Variants in ATP8A2 observed in about 807,000 individuals in gnomAD.
ATP8A2 encodes the protein phospholipid-transporting ATPase IB.
Under a neutral mutation model 165.6 loss-of-function variants are expected in ATP8A2, and 100 were observed. The ratio of observed to expected loss-of-function variants is 0.60; its 90% CI spans 0.51 to 0.71. ATP8A2 has a LOEUF of 0.71. ATP8A2 is among the 30% of genes least tolerant of loss of function. The probability of loss-of-function intolerance (pLI) is 0.00; values close to 1 mark genes in which losing one functional copy is unlikely to be tolerated. For missense variants in ATP8A2, 1,227 were observed against 1,479.5 expected, an observed-to-expected ratio of 0.83 and a Z score of 2.80; for synonymous variants, 543 against 548.8, an observed-to-expected ratio of 0.99 and a Z score of 0.15.
intron 33 of ATP8A2, among the ~76,000 whole-genome samples, chr13:25,932,168 G>A (rs893077361): frequency 2.6e-5 from 4 of 152,160 alleles, no homozygotes; most frequent in Non-Finnish European, 4.4e-5. Context: ...ATGTAGCACG[G>A]AAGCACGTCA....
intron 1 of ATP8A2, among the ~76,000 whole-genome samples, chr13:25,435,707 C>G (rs1302017567): frequency 6.6e-6 from 1 of 150,418 alleles, no homozygotes; most frequent in Non-Finnish European, 1.5e-5. Flanking sequence ...GTTTTTTTCT[C>G]CACTGAGATA....
intron 24 of ATP8A2, among the ~76,000 whole-genome samples, chr13:25,655,213 G>T (rs1593144755): frequency 6.6e-6 from 1 of 152,130 alleles, no homozygotes; most frequent in East Asian, 1.9e-4. Context: ...CAGGCTGAGT[G>T]CAGTGGCACA....
chr13:25,726,526 C>G (rs1027465611), intron 25 of ATP8A2, among the ~76,000 whole-genome samples: 1 of 152,020 alleles, frequency 6.6e-6, no homozygotes, highest in Non-Finnish European at 1.5e-5. Flanking sequence ...CGGCTTGTGG[C>G]CCCTTCTCTC....
intron 33 of ATP8A2, among the ~76,000 whole-genome samples, chr13:25,929,200 C>T (rs1261386197): frequency 2.0e-5 from 3 of 152,226 alleles, no homozygotes; most frequent in South Asian, 2.1e-4. Flanking sequence ...CCATGTGAGC[C>T]AGAGTGGGCT....
chr13:25,511,705 A>G (rs1381743801), intron 2 of ATP8A2, among the ~76,000 whole-genome samples: 1 of 151,778 alleles, frequency 6.6e-6, no homozygotes, highest in African/African-American at 2.4e-5. Flanking sequence ...TAATATCTTT[A>G]TGGTTTAGAA....
At chr13:25,429,587 A>C (rs1174423473) in intron 1 of ATP8A2, among the ~76,000 whole-genome samples, 1 of 152,142 alleles carries the variant, frequency 6.6e-6, no homozygotes, top group Non-Finnish European at 1.5e-5. Context: ...TAAAGAAATG[A>C]GTCACCTTAA....
At chr13:25,423,521 C>T (rs2034358410) in intron 1 of ATP8A2, among the ~76,000 whole-genome samples, 1 of 152,054 alleles carries the variant, frequency 6.6e-6, no homozygotes, top group South Asian at 2.1e-4. Context: ...TAGTACACTT[C>T]CATGTGATTT....
chr13:25,441,772 A>G lies in ATP8A2; in HGVS notation c.77-27205A>G, dbSNP rs919526383. Among the ~76,000 whole-genome samples, 5 of 152,130 alleles carry G rather than the reference A, an allele frequency of 3.3e-5. No homozygotes were observed. The East Asian group carries it at 5.8e-4, about 18-fold the overall frequency. Reference sequence around the variant, plus strand: ...AAATACACATAACATAGAATTTACTATCTCATCATTTTTAGGTATACAGTT... The same window carrying G: ...AAATACACATAACATAGAATTTACTGTCTCATCATTTTTAGGTATACAGTT... On this transcript the variant is annotated intron_variant, in intron 1 of 36. Transcript: ENST00000381655.
At chr13:25,555,486 A>G (rs1566261959) in intron 13 of ATP8A2, among the ~76,000 whole-genome samples, 2 of 152,106 alleles carry the variant, frequency 1.3e-5, no homozygotes, top group Admixed American at 6.6e-5. Flanking sequence ...TCTCTGGAAT[A>G]TTCTAGGGAA....
chr13:25,871,834 T>C (rs887271427), intron 33 of ATP8A2, among the ~76,000 whole-genome samples: 1 of 152,206 alleles, frequency 6.6e-6, no homozygotes, highest in Non-Finnish European at 1.5e-5. Context: ...TGTGCTTGTA[T>C]GTATACTTCG....
chr13:25,429,506 G>A (rs1236886794), intron 1 of ATP8A2, among the ~76,000 whole-genome samples: 1 of 152,144 alleles, frequency 6.6e-6, no homozygotes, highest in African/African-American at 2.4e-5. Context: ...CTGGGTGGGT[G>A]GAGTGGAATA....
intron 23 of ATP8A2, among the ~76,000 whole-genome samples, 179 bp downstream of exon 23, chr13:25,582,136 CA>C (rs2039793480): frequency 6.6e-6 from 1 of 152,174 alleles, no homozygotes; most frequent in African/African-American, 2.4e-5. Flanking sequence ...ATGCCTGTTA[CA>C]AACATTAAAA....
At chr13:25,492,568 C>T (rs2036559881) in intron 2 of ATP8A2, among the ~76,000 whole-genome samples, 1 of 152,212 alleles carries the variant, frequency 6.6e-6, no homozygotes, top group African/African-American at 2.4e-5. Context: ...GACCCTCCTA[C>T]TGTTTCTAAC....
At chr13:25,457,954 T>G (rs1293680584) in intron 1 of ATP8A2, among the ~76,000 whole-genome samples, 1 of 152,174 alleles carries the variant, frequency 6.6e-6, no homozygotes, top group East Asian at 1.9e-4. Context: ...ATGTATTTAG[T>G]GGGTTAAGAC....
intron 4 of ATP8A2, among the ~76,000 whole-genome samples, chr13:25,531,262 GAT>G (rs1422815382): frequency 1.4e-4 from 12 of 87,012 alleles, no homozygotes; most frequent in African/African-American, 4.8e-4. Context: ...TGATATATAT[GAT>G]ATATATGATA....
intron 33 of ATP8A2, among the ~76,000 whole-genome samples, chr13:25,939,926 C>G (rs986528815): frequency 6.6e-6 from 1 of 152,170 alleles, no homozygotes; most frequent in African/African-American, 2.4e-5. Context: ...TTCTTCTTGT[C>G]CTTAACTCCC....
chr13:25,970,160 A>G (rs534261725), intron 35 of ATP8A2, among the ~76,000 whole-genome samples: 48 of 152,364 alleles, frequency 3.2e-4, no homozygotes, highest in Admixed American at 6.5e-4. Flanking sequence ...TCCCTTATAT[A>G]TCAAGTATAC....
intron 27 of ATP8A2, among the ~76,000 whole-genome samples, chr13:25,804,896 G>T (rs964611088): frequency 1.3e-5 from 2 of 152,252 alleles, no homozygotes; most frequent in South Asian, 2.1e-4. Flanking sequence ...GGAGAAAAAT[G>T]AGGCGTTAAA....
chr13:26,002,447 G>A (rs1458762571), intron 35 of ATP8A2, among the ~76,000 whole-genome samples: 3 of 151,530 alleles, frequency 2.0e-5, no homozygotes, highest in African/African-American at 4.9e-5. Flanking sequence ...GATAGCATCA[G>A]GAAAAATACC....
Sources: allele counts gnomAD v4.1 joint callset (sites outside exome capture counted in the v4.1 genomes callset), GRCh38; gene constraint gnomAD v4.1.1; transcripts MANE v1.5; gene names NCBI Gene and HGNC (gene_info 2026-07-23, HGNC 2026-07-21).